SMS: variants seen among roughly 807,000 people sequenced by gnomAD.
The protein encoded by SMS is spermidine aminopropyltransferase.
In SMS, 3 loss-of-function variants were observed where a neutral mutation model predicts 33.0. The ratio of observed to expected loss-of-function variants is 0.09; its 90% confidence interval spans 0.04 to 0.23. The LOEUF is 0.23. Ranked by LOEUF, SMS falls within the 10% of genes least tolerant of loss-of-function variation. SMS has a pLI of 1.00. For synonymous variants in SMS, 103 were observed against 112.2 expected (o/e 0.92, Z 0.52); for missense variants, 117 against 288.6 (o/e 0.41, Z 4.31).
rs752322168 is a variant in SMS at position 21,990,132 on chromosome X, T to TA, written c.946-2464dup. Among the ~76,000 whole-genome samples the TA allele has an allele frequency of 1.2e-4, 13 of 111,865 alleles. No homozygotes were observed. The East Asian group carries it at 3.7e-3, about 31-fold the overall frequency. On this transcript the variant is annotated intron_variant, in intron 9 of 10. Coordinates refer to ENST00000404933, the MANE Select transcript of SMS (RefSeq NM_004595.5). ...ACTCCTGTCTCCTTGTTAGTTGACT[T>TA]ACAATAAAAAGCTTTTCTTAGGCCA... is the stretch of plus-strand genomic sequence containing the variant.
chrX:21,984,848 C>T (rs994935797), intron 8 of SMS, among the ~76,000 whole-genome samples: 1 of 111,261 alleles, frequency 9.0e-6, no homozygotes. Flanking sequence ...CTGAATTTCT[C>T]TCAGGATTTT....
At chrX:21,972,422 A>G (rs1489660431) in intron 3 of SMS, 85 bp from the exon 4 acceptor site, 4 of 623,078 alleles carry the variant, frequency 6.4e-6, no homozygotes, top group Non-Finnish European at 8.0e-6. Context: ...CAGCTCTGTC[A>G]ACATGGCCTC....
At chrX:21,949,409 AG>A (rs1047584536) in intron 1 of SMS, among the ~76,000 whole-genome samples, 1 of 112,141 alleles carries the variant, frequency 8.9e-6, no homozygotes, top group Non-Finnish European at 1.9e-5. Context: ...AGTTATAAAG[AG>A]GTGTGAATTT....
At chrX:21,943,760 C>G (rs749234823) in intron 1 of SMS, among the ~76,000 whole-genome samples, 1 of 111,300 alleles carries the variant, frequency 9.0e-6, no homozygotes, top group Non-Finnish European at 1.9e-5. Context: ...TGAAGCACAT[C>G]GTCCTGTCAG....
intron 4 of SMS, 27 bp from the exon 5 acceptor site, chrX:21,977,034 T>C: frequency 8.4e-7 from 1 of 1,190,408 alleles, no homozygotes; most frequent in Non-Finnish European, 1.1e-6. Flanking sequence ...TCTAGTAAGG[T>C]ACATTTCTGT....
chrX:21,970,908 A>G, intron 2 of SMS, among the ~76,000 whole-genome samples: 1 of 111,057 alleles, frequency 9.0e-6, no homozygotes. Context: ...AAACAAATAC[A>G]TGCATAGGCC....
chrX:21,957,962 T>G (rs1316268407), intron 1 of SMS, among the ~76,000 whole-genome samples: 2 of 110,181 alleles, frequency 1.8e-5, no homozygotes, highest in Non-Finnish European at 3.8e-5. Context: ...AATATTTGTT[T>G]TTTTTTTTTT....
Position 21,972,746 on chromosome X carries a change from T to C in SMS, c.329+175T>C, listed in dbSNP as rs151144042. 0.029 allele frequency among the ~76,000 whole-genome samples: 3,169 copies of C among 108,882 alleles called. 58 individuals carry two copies. The highest frequency in any genetic ancestry group is 0.043 in the Non-Finnish European group (2,238 of 52,369). 94.6% of individuals were successfully genotyped at this position (108,882 alleles called of 115,157 possible). On this transcript the variant is annotated intron_variant, in intron 4 of 10. Coordinates refer to ENST00000404933, the MANE Select transcript of SMS (RefSeq NM_004595.5). ...CAATGTGGCAAAACACCGTCTCTAC[T>C]AAAAATACAAAAATTAGCTGGACGT... is the stretch of plus-strand genomic sequence containing the variant.
At chrX:21,960,463 AG>A (rs1413406376) in intron 1 of SMS, among the ~76,000 whole-genome samples, 9 of 110,643 alleles carry the variant, frequency 8.1e-5, no homozygotes, top group Admixed American at 2.9e-4. Flanking sequence ...GTACAGCAGA[AG>A]GCTCATTTCA....
At chrX:21,968,490 G>GT (rs1490169404) in intron 2 of SMS, among the ~76,000 whole-genome samples, 3 of 111,684 alleles carry the variant, frequency 2.7e-5, no homozygotes, top group Non-Finnish European at 5.6e-5. Context: ...GGCCCCTACC[G>GT]TAAGAGTTCT....
chrX:21,951,215 CAT>C (rs1922585522), intron 1 of SMS, among the ~76,000 whole-genome samples: 1 of 112,213 alleles, frequency 8.9e-6, no homozygotes, highest in South Asian at 3.6e-4. Context: ...GCTTTTTTCC[CAT>C]ATGTTTGTTG....
intron 1 of SMS, among the ~76,000 whole-genome samples, chrX:21,966,385 A>C (rs1042960813): frequency 2.7e-5 from 3 of 112,362 alleles, no homozygotes; most frequent in Non-Finnish European, 5.6e-5. Flanking sequence ...CTAGAGAAGA[A>C]AAAATTGCAT....
In SMS at chrX:21,984,309, A is replaced by G. The variant is rs766377355; in HGVS notation, c.756A>G (p.Leu252=). The G allele has an allele frequency of 6.3e-6, 7 of 1,115,053 alleles. No individual in the cohort carries two copies. Among genetic ancestry groups the G allele is most frequent in the Non-Finnish European group, 8.7e-6 (7 of 808,671 alleles). 91.9% of individuals were successfully genotyped at this position (1,115,053 alleles called of 1,213,427 possible). The change falls in exon 8 of 11, where the codon CTA becomes CTG. Residue 252 remains leucine, a synonymous_variant. Coordinates refer to ENST00000404933, the MANE Select transcript of SMS (RefSeq NM_004595.5). Reference sequence around the variant, plus strand: ...ATTCCTGTTCTTTCTGGAAGGTTCTAATAGAAGACTGTATCCCGGTACTGA... The same window carrying G: ...ATTCCTGTTCTTTCTGGAAGGTTCTGATAGAAGACTGTATCCCGGTACTGA... ...DNLKGDCYQV[L]IEDCIPVLKR...
chrX:21,941,741 C>T (rs1349268588), intron 1 of SMS, among the ~76,000 whole-genome samples: 1 of 107,404 alleles, frequency 9.3e-6, no homozygotes, highest in Non-Finnish European at 1.9e-5. Flanking sequence ...AAAAATTAGC[C>T]GGGCGTGGTG....
At chrX:21,945,347 A>G (rs1470687447) in intron 1 of SMS, among the ~76,000 whole-genome samples, 2 of 111,978 alleles carry the variant, frequency 1.8e-5, no homozygotes, top group Non-Finnish European at 3.8e-5. Context: ...TAGGTCTGTC[A>G]TTTGGACCAT....
intron 8 of SMS, 100 bp from the exon 9 acceptor site, chrX:21,985,044 C>G: frequency 1.8e-6 from 1 of 548,762 alleles, no homozygotes; most frequent in Non-Finnish European, 3.2e-6. Context: ...GGCTCTTTTT[C>G]TTTTTCCTCT....
chrX:21,944,544 A>AAAAAAAAAAAAAAAAAAAG (rs1555992699), intron 1 of SMS, among the ~76,000 whole-genome samples: 2 of 99,050 alleles, frequency 2.0e-5, no homozygotes, highest in Admixed American at 1.4e-4. Context: ...AAAAAAAAAA[A>AAAAAAAAAAAAAAAAAAAG]AGAAAAAAAA....
At chrX:21,982,424 C>G (rs1478905174) in intron 7 of SMS, among the ~76,000 whole-genome samples, 1 of 110,771 alleles carries the variant, frequency 9.0e-6, no homozygotes, top group Non-Finnish European at 1.9e-5. Flanking sequence ...CAACAGACTT[C>G]ACAAAATTTA....
At chrX:21,960,892 G>GT (rs1569344978) in intron 1 of SMS, among the ~76,000 whole-genome samples, 3 of 111,060 alleles carry the variant, frequency 2.7e-5, no homozygotes, top group Admixed American at 1.9e-4. Flanking sequence ...GTAGAGAGAG[G>GT]TTTTTTTGTT....
Sources: allele counts gnomAD v4.1 joint callset (sites outside exome capture counted in the v4.1 genomes callset), GRCh38; gene constraint gnomAD v4.1.1; transcripts MANE v1.5; gene names NCBI Gene and HGNC (gene_info 2026-07-23, HGNC 2026-07-21).